TRHDE: variants seen among roughly 807,000 people sequenced by gnomAD.
TRHDE encodes the protein thyrotropin releasing hormone degrading enzyme.
A neutral mutation model predicts 125.7 loss-of-function variants in TRHDE; 72 were observed. The observed-to-expected ratio is 0.57, with a 90% CI of 0.47 to 0.70. The LOEUF (loss-of-function observed/expected upper bound fraction) is 0.70, where lower values mean the gene tolerates loss of function less well. Ranked by LOEUF, TRHDE falls within the 30% of genes least tolerant of loss-of-function variation. The probability of loss-of-function intolerance (pLI) is 0.00; values close to 1 mark genes in which losing one functional copy is unlikely to be tolerated. For synonymous variants in TRHDE, 509 were observed against 509.1 expected, an observed-to-expected ratio of 1.00 and a Z score of 0.00; for missense variants, 1,110 against 1,327.1, an observed-to-expected ratio of 0.84 and a Z score of 2.54.
chr12:72,283,533 A>G (rs572333239), intron 1 of TRHDE, among the ~76,000 whole-genome samples: 8 of 152,288 alleles, frequency 5.3e-5, no homozygotes, highest in African/African-American at 1.7e-4. Context: ...GTATGAATTC[A>G]TTAAGAATAT....
chr12:72,492,066 T>C (rs999228170), intron 5 of TRHDE, among the ~76,000 whole-genome samples: 3 of 152,034 alleles, frequency 2.0e-5, no homozygotes, highest in Non-Finnish European at 4.4e-5. Flanking sequence ...TGTATGTAAG[T>C]GTGTTTACAC....
intron 2 of TRHDE, among the ~76,000 whole-genome samples, chr12:72,109,638 A>ACAAAACAAAC (rs902671583): frequency 1.3e-4 from 19 of 151,934 alleles, no homozygotes; most frequent in Non-Finnish European, 2.6e-4. Flanking sequence ...TTTAAACAAA[A>ACAAAACAAAC]CAAAACAAAA....
intron 6 of TRHDE, among the ~76,000 whole-genome samples, chr12:72,535,220 A>C (rs1360488573): frequency 1.3e-5 from 2 of 152,174 alleles, no homozygotes; most frequent in Non-Finnish European, 2.9e-5. Flanking sequence ...AGTTGTCATC[A>C]TCATTTTTAT....
chr12:72,552,746 T>A (rs975779644), intron 7 of TRHDE, among the ~76,000 whole-genome samples: 1 of 152,132 alleles, frequency 6.6e-6, no homozygotes, highest in Non-Finnish European at 1.5e-5. Flanking sequence ...AAACAGAGTA[T>A]GTAGAATAAA....
chr12:72,441,715 C>T (rs1292547142), intron 3 of TRHDE, among the ~76,000 whole-genome samples: 2 of 151,756 alleles, frequency 1.3e-5, no homozygotes, highest in South Asian at 2.1e-4. Flanking sequence ...TTCCAGTTGA[C>T]GTTGTTGGCC....
intron 15 of TRHDE, among the ~76,000 whole-genome samples, chr12:72,624,919 G>GA: frequency 6.8e-6 from 1 of 148,124 alleles, no homozygotes; most frequent in East Asian, 2.4e-4. Flanking sequence ...TGTGAAACTT[G>GA]AAAATCTCAA....
intron 12 of TRHDE, among the ~76,000 whole-genome samples, chr12:72,606,144 G>A (rs532267078): frequency 6.6e-6 from 1 of 152,264 alleles, no homozygotes; most frequent in East Asian, 1.9e-4. Flanking sequence ...GGAGGGTTGT[G>A]ATACTCACGA....
chr12:72,506,695 T>A (rs182878919), intron 6 of TRHDE, among the ~76,000 whole-genome samples: 1 of 152,306 alleles, frequency 6.6e-6, no homozygotes, highest in East Asian at 1.9e-4. Context: ...TCAAGGCAAG[T>A]TATGATATGG....
Position 72,099,749 on chromosome 12 carries a change from T to C in TRHDE, n.175-5899T>C, listed in dbSNP as rs191956631. Among the ~76,000 whole-genome samples, 362 of 152,296 alleles carry C rather than the reference T, an allele frequency of 2.4e-3. 2 individuals carry two copies. Among genetic ancestry groups the C allele is most frequent in the South Asian group, 0.01 (50 of 4,828 alleles). On this transcript the variant is annotated intron_variant and non_coding_transcript_variant, in intron 1 of 4. Coordinates refer to the TRHDE transcript ENST00000548156. ...AAATGTTTCAGTGGAAAAATCCACA[T>C]TATCATATTTTAAGATAAGAATGGA...
intron 2 of TRHDE, among the ~76,000 whole-genome samples, chr12:72,196,094 C>G (rs912555925): frequency 6.6e-6 from 1 of 151,984 alleles, no homozygotes; most frequent in African/African-American, 2.4e-5. Context: ...GTATCTGTTT[C>G]TGTACCAGTA....
At chr12:72,551,657 C>T (rs1300416724) in intron 7 of TRHDE, among the ~76,000 whole-genome samples, 3 of 152,000 alleles carry the variant, frequency 2.0e-5, no homozygotes, top group Admixed American at 2.0e-4. Flanking sequence ...ATGATAAGTA[C>T]CAAGTATTCA....
rs765337172 is a variant in TRHDE, at chr12:72,664,883, T to C, written c.*1688T>C. 1.3e-5 allele frequency: 2 copies of C among 152,066 alleles called. No homozygotes were observed. The highest frequency in any genetic ancestry group is 2.9e-5 in the Non-Finnish European group (2 of 67,972). The allele number at this position is 152,066 out of a possible 1,614,324, so 9.4% of individuals were successfully genotyped here. On this transcript the variant is annotated 3_prime_UTR_variant, in exon 19 of 19. Transcript: ENST00000261180. ...TACCACCTAAAACTGAATTTTATCA[T>C]ATAAGCAAGTAATACCTATTAGTCA...
chr12:72,648,407 G>T (rs1316016614), intron 15 of TRHDE, among the ~76,000 whole-genome samples: 1 of 152,004 alleles, frequency 6.6e-6, no homozygotes, highest in East Asian at 1.9e-4. Flanking sequence ...AGAGAAAATA[G>T]GGATGAAAAA....
Position 72,639,292 on chromosome 12 carries a change from T to C in TRHDE, c.2676-13030T>C, listed in dbSNP as rs1363551854. 4.1e-3 allele frequency among the ~76,000 whole-genome samples: 629 copies of C among 152,102 alleles called. 3 individuals carry two copies. Among genetic ancestry groups the C allele is most frequent in the African/African-American group, 0.014 (586 of 41,432 alleles). ...GCTGATACCCTTTCTTCCAGTTGAT[T>C]GCATCGGCTCCTGAGGCTTCTGCAT... On this transcript the variant is annotated intron_variant, in intron 15 of 18. Coordinates refer to ENST00000261180, the MANE Select transcript of TRHDE (RefSeq NM_013381.3).
rs116318778 is a variant in TRHDE at position 72,528,001 on chromosome 12, A to G, written c.1723-14290A>G. Among the ~76,000 whole-genome samples, 700 of 152,252 alleles carry G rather than the reference A, an allele frequency of 4.6e-3. 5 individuals are homozygous for G. The highest frequency in any genetic ancestry group is 0.016 in the African/African-American group (656 of 41,568). On this transcript the variant is annotated intron_variant, in intron 6 of 18. Coordinates refer to ENST00000261180, the MANE Select transcript of TRHDE (RefSeq NM_013381.3). ...TTTCAGACAAAATATCTGACACTAA[A>G]ACTTTATAAAACTAATATATATCGT...
intron 3 of TRHDE, among the ~76,000 whole-genome samples, chr12:72,405,236 G>A (rs1252333061): frequency 6.6e-6 from 1 of 152,198 alleles, no homozygotes; most frequent in African/African-American, 2.4e-5. Flanking sequence ...GGCTGTGGGT[G>A]AGGGAACAGA....
chr12:72,293,201 T>TGG (rs1880155909), intron 2 of TRHDE, among the ~76,000 whole-genome samples: 1 of 152,106 alleles, frequency 6.6e-6, no homozygotes, highest in African/African-American at 2.4e-5. Flanking sequence ...AATATTTGTT[T>TGG]TTTTTTTTGC....
At chr12:72,417,873 C>T (rs1038503808) in intron 3 of TRHDE, among the ~76,000 whole-genome samples, 9 of 152,002 alleles carry the variant, frequency 5.9e-5, no homozygotes, top group South Asian at 2.1e-4. Context: ...CTCAATTTCA[C>T]GAGCAAATTC....
In TRHDE at chr12:72,382,458, C is replaced by T. The variant is rs574825531; in HGVS notation, c.1315+4337C>T. Among the ~76,000 whole-genome samples the T allele has an allele frequency of 9.2e-5, 14 of 152,218 alleles. No individual in the cohort carries two copies. The South Asian group carries it at 2.9e-3, about 32-fold the overall frequency. On this transcript the variant is annotated intron_variant, in intron 3 of 18. Coordinates refer to ENST00000261180, the MANE Select transcript of TRHDE (RefSeq NM_013381.3). ...GAGACAGGCCTGTAGTATAACAATACTAACAATACCCATCTCTGGAGAAGA... is the reference window on the plus strand; with the variant it reads ...GAGACAGGCCTGTAGTATAACAATATTAACAATACCCATCTCTGGAGAAGA...
Sources: allele counts gnomAD v4.1 joint callset (sites outside exome capture counted in the v4.1 genomes callset), GRCh38; gene constraint gnomAD v4.1.1; transcripts MANE v1.5; gene names NCBI Gene and HGNC (gene_info 2026-07-23, HGNC 2026-07-21).